The following GPC6 variants were observed in gnomAD, a reference collection of about 807,000 sequenced individuals.
GPC6 encodes the protein glypican-6.
GPC6 carries 14 observed loss-of-function variants against 55.2 expected under a neutral mutation model. The observed-to-expected ratio is 0.25, with a 90% confidence interval of 0.17 to 0.40. GPC6 has a LOEUF of 0.40. GPC6 is among the 10% of genes least tolerant of loss of function. GPC6 has a pLI of 1.00. For synonymous variants in GPC6, 278 were observed against 259.6 expected (o/e 1.07, Z -0.68); for missense variants, 641 against 708.5 (o/e 0.90, Z 1.08).
At position 94,302,533 on chromosome 13, in the gene GPC6, G is replaced by A. The variant is rs114843091; in HGVS notation, c.1009-3447G>A. 1.3e-3 allele frequency among the ~76,000 whole-genome samples: 191 copies of A among 152,272 alleles called. 2 individuals carry two copies. Among genetic ancestry groups the A allele is most frequent in the African/African-American group, 3.6e-3 (150 of 41,548 alleles). ...ACATCAAATTATTAATTTTTACTTT[G>A]TAAGTCATCTAAGTTATATGATGGA... On this transcript the variant is annotated intron_variant, in intron 5 of 8. Coordinates refer to ENST00000377047, the MANE Select transcript of GPC6 (RefSeq NM_005708.5).
In GPC6 at chr13:93,830,179, T is replaced by C; in HGVS notation, c.345T>C (p.Asn115=). The stretch of plus-strand genomic sequence containing the variant: ...AATTTTTCCGAGAGCTCCTGGAGAA[T>C]GCAGAAAAGTCACTAAATGATATGT... ...FDEFFRELLE[N]AEKSLNDMFV... The change falls in exon 3 of 9, where the codon AAT becomes AAC. Residue 115 remains asparagine (N), a synonymous_variant. Coordinates refer to ENST00000377047, the MANE Select transcript of GPC6 (RefSeq NM_005708.5). 2 of 1,607,420 alleles carry C rather than the reference T, an allele frequency of 1.2e-6. No homozygotes were observed. Among genetic ancestry groups the C allele is most frequent in the Non-Finnish European group, 1.7e-6 (2 of 1,176,520 alleles).
intron 4 of GPC6, among the ~76,000 whole-genome samples, chr13:94,119,361 G>A (rs1886547490): frequency 6.6e-6 from 1 of 151,968 alleles, no homozygotes; most frequent in Non-Finnish European, 1.5e-5. Context: ...CCAAAGGAGG[G>A]GTAGGGGATG....
At chr13:94,064,777 T>G (rs1231523820) in intron 4 of GPC6, among the ~76,000 whole-genome samples, 3 of 152,156 alleles carry the variant, frequency 2.0e-5, no homozygotes, top group African/African-American at 7.2e-5. Flanking sequence ...TTATCTTCTC[T>G]TGCCTGAATC....
chr13:93,711,537 A>G (rs955017119), intron 2 of GPC6, among the ~76,000 whole-genome samples: 11 of 151,750 alleles, frequency 7.2e-5, no homozygotes, highest in Non-Finnish European at 1.3e-4. Context: ...GTCATGGTAT[A>G]GATAAAATCA....
At chr13:93,974,666 G>A (rs1466772998) in intron 3 of GPC6, among the ~76,000 whole-genome samples, 13 of 152,046 alleles carry the variant, frequency 8.6e-5, no homozygotes, top group Admixed American at 8.5e-4. Flanking sequence ...TTGAATAGAG[G>A]TATATTTTTA....
intron 3 of GPC6, among the ~76,000 whole-genome samples, chr13:93,844,196 T>C (rs1423283256): frequency 6.6e-6 from 1 of 152,134 alleles, no homozygotes; most frequent in African/African-American, 2.4e-5. Context: ...TGGAGTGCAA[T>C]GCCACGATCT....
intron 1 of GPC6, among the ~76,000 whole-genome samples, chr13:93,275,995 C>T (rs1282110502): frequency 6.6e-6 from 1 of 152,152 alleles, no homozygotes; most frequent in Non-Finnish European, 1.5e-5. Flanking sequence ...CTGCCTCAGC[C>T]TCCCGAGTAG....
intron 4 of GPC6, among the ~76,000 whole-genome samples, chr13:94,240,125 T>C (rs1488128833): frequency 2.0e-5 from 3 of 152,062 alleles, no homozygotes; most frequent in Admixed American, 1.3e-4. Context: ...TCTGGGATCA[T>C]GAATTACAAA....
rs17234705 is a variant in GPC6 at position 93,589,961 on chromosome 13, T to C, written c.319+44540T>C. ...TGCAGTATTCTTCTGTGAAATGGAA[T>C]CTTGCTGTTACTAATGCAGAAGCCT... is the stretch of plus-strand genomic sequence containing the variant. On this transcript the variant is annotated intron_variant, in intron 2 of 8. Transcript: ENST00000377047. Among the ~76,000 whole-genome samples the C allele has an allele frequency of 2.3e-3, 351 of 152,334 alleles. 2 individuals carry two copies. Among genetic ancestry groups the C allele is most frequent in the Admixed American group, 0.014 (214 of 15,308 alleles).
chr13:94,259,609 T>A (rs1301293767), intron 4 of GPC6, among the ~76,000 whole-genome samples: 2 of 152,208 alleles, frequency 1.3e-5, no homozygotes, highest in Non-Finnish European at 2.9e-5. Flanking sequence ...CCAGAATTTT[T>A]CATTGTCCCA....
intron 4 of GPC6, among the ~76,000 whole-genome samples, chr13:94,162,708 A>T (rs1386709055): frequency 6.6e-6 from 1 of 151,862 alleles, no homozygotes; most frequent in Non-Finnish European, 1.5e-5. Flanking sequence ...TTTGGGTCAA[A>T]TTTTTTTCTC....
intron 1 of GPC6, among the ~76,000 whole-genome samples, chr13:93,499,338 G>A (rs763869208): frequency 1.3e-5 from 2 of 152,146 alleles, no homozygotes; most frequent in Admixed American, 1.3e-4. Context: ...GTCATAAAAG[G>A]GAGTTTGTTA....
chr13:93,702,454 T>G (rs1882704857), intron 2 of GPC6, among the ~76,000 whole-genome samples: 1 of 151,978 alleles, frequency 6.6e-6, no homozygotes, highest in Non-Finnish European at 1.5e-5. Flanking sequence ...TTCAGAATGG[T>G]AAGTGAGCAT....
At chr13:93,359,035 C>T (rs1880954420) in intron 1 of GPC6, among the ~76,000 whole-genome samples, 1 of 140,844 alleles carries the variant, frequency 7.1e-6, no homozygotes, top group Non-Finnish European at 1.5e-5. Context: ...GTGGTGTGAT[C>T]ACGGCTCACT....
intron 4 of GPC6, among the ~76,000 whole-genome samples, chr13:94,273,603 T>TA (rs1220222831): frequency 6.6e-6 from 1 of 152,212 alleles, no homozygotes; most frequent in Non-Finnish European, 1.5e-5. Flanking sequence ...GTAAATAAGA[T>TA]ACAGGGTAAG....
At chr13:93,475,591 A>G (rs916023670) in intron 1 of GPC6, among the ~76,000 whole-genome samples, 2 of 152,228 alleles carry the variant, frequency 1.3e-5, no homozygotes, top group African/African-American at 2.4e-5. Flanking sequence ...GCAACGATCT[A>G]TGTGGCTTTA....
intron 2 of GPC6, among the ~76,000 whole-genome samples, chr13:93,789,632 T>C (rs1885961297): frequency 3.9e-5 from 4 of 101,582 alleles, no homozygotes; most frequent in Middle Eastern, 5.2e-3. Flanking sequence ...TATATATATA[T>C]ATATATATAT....
chr13:93,305,457 A>G (rs1368858489), intron 1 of GPC6, among the ~76,000 whole-genome samples: 1 of 152,134 alleles, frequency 6.6e-6, no homozygotes, highest in Non-Finnish European at 1.5e-5. Context: ...TATTTTTCTC[A>G]GAACAGTTAA....
chr13:93,444,576 C>A (rs1877931419), intron 1 of GPC6, among the ~76,000 whole-genome samples: 1 of 152,156 alleles, frequency 6.6e-6, no homozygotes, highest in Admixed American at 6.5e-5. Flanking sequence ...CACTGCACTC[C>A]AGCCTGGGTG....
Sources: allele counts gnomAD v4.1 joint callset (sites outside exome capture counted in the v4.1 genomes callset), GRCh38; gene constraint gnomAD v4.1.1; transcripts MANE v1.5; gene names NCBI Gene and HGNC (gene_info 2026-07-23, HGNC 2026-07-21).